AVEN: variants seen among roughly 807,000 people sequenced by gnomAD.
AVEN encodes apoptosis and caspase activation inhibitor.
Under a neutral mutation model 38.1 loss-of-function variants are expected in AVEN, and 41 were observed. That is an observed-to-expected ratio of 1.08 (90% confidence interval 0.84 to 1.40). The LOEUF is 1.40. Ranked by LOEUF, AVEN falls within the 40% of genes most tolerant of loss-of-function variation. The pLI, the probability that AVEN is intolerant of heterozygous loss-of-function variation, is 0.00. For synonymous variants in AVEN, 206 were observed against 171.8 expected (o/e 1.20, Z -1.56); for missense variants, 605 against 438.8 (o/e 1.38, Z -3.38).
At chr15:33,879,052 TAAA>T (rs554309971) in intron 2 of AVEN, among the ~76,000 whole-genome samples, 2 of 152,060 alleles carry the variant, frequency 1.3e-5, no homozygotes. Context: ...AATGTTCACT[TAAA>T]AATATGGGTA....
intron 2 of AVEN, among the ~76,000 whole-genome samples, chr15:33,900,604 G>C (rs1450656452): frequency 1.4e-5 from 2 of 142,744 alleles, no homozygotes. Context: ...ACCATGCCTA[G>C]CCAATTTAGT....
At chr15:34,019,220 CTAATGGATG>C (rs1213259952) in intron 1 of AVEN, among the ~76,000 whole-genome samples, 1 of 152,108 alleles carries the variant, frequency 6.6e-6, no homozygotes, top group Admixed American at 6.5e-5. Flanking sequence ...TAGGCCTAGG[CTAATGGATG>C]TAATTGTTTG....
At chr15:34,014,292 A>G (rs1392671453) in intron 1 of AVEN, among the ~76,000 whole-genome samples, 1 of 148,776 alleles carries the variant, frequency 6.7e-6, no homozygotes, top group Admixed American at 6.8e-5. Context: ...TGAACCCAGG[A>G]GGCAGAGATT....
intron 2 of AVEN, among the ~76,000 whole-genome samples, chr15:33,900,360 T>G (rs1490421247): frequency 2.0e-5 from 3 of 151,088 alleles, no homozygotes; most frequent in Non-Finnish European, 4.4e-5. Flanking sequence ...CAGGCTGGAG[T>G]GCAGTGGCAT....
intron 2 of AVEN, chr15:34,067,155 T>C (rs2140853432): frequency 6.6e-6 from 1 of 152,362 alleles, no homozygotes; most frequent in East Asian, 1.9e-4. Context: ...GCTATCATTG[T>C]AATTTGTTTC....
chr15:33,899,835 A>T (rs1464548168), intron 2 of AVEN, among the ~76,000 whole-genome samples: 2 of 152,136 alleles, frequency 1.3e-5, no homozygotes, highest in Non-Finnish European at 2.9e-5. Flanking sequence ...TAGCAGAAAA[A>T]CCATTCTCTT....
downstream of AVEN, chr15:33,865,061 A>C (rs1008367617): frequency 2.5e-5 from 31 of 1,246,376 alleles, 1 homozygote; most frequent in Non-Finnish European, 3.4e-5. Flanking sequence ...GCCACAAAGA[A>C]CAAAAACAAA....
chr15:33,987,517 G>A (rs981516257), intron 2 of AVEN, among the ~76,000 whole-genome samples: 2 of 152,112 alleles, frequency 1.3e-5, no homozygotes, highest in African/African-American at 4.8e-5. Context: ...CTCCTCCCCA[G>A]CTGCAGCCTC....
chr15:33,904,482 G>A (rs1892604883), intron 2 of AVEN, among the ~76,000 whole-genome samples: 1 of 152,050 alleles, frequency 6.6e-6, no homozygotes, highest in African/African-American at 2.4e-5. Flanking sequence ...TATGATCTCA[G>A]GTCACTGCAA....
chr15:34,068,281 G>C (rs944601068), intron 2 of AVEN, among the ~76,000 whole-genome samples: 4 of 150,422 alleles, frequency 2.7e-5, no homozygotes, highest in Middle Eastern at 3.4e-3. Context: ...ATCCAGGCTG[G>C]AGTGGCAGCT....
At chr15:33,854,591 A>T (rs141633392), downstream of AVEN, 1 of 1,047,390 alleles carries the variant, frequency 9.5e-7, no homozygotes, top group African/African-American at 1.6e-5. Flanking sequence ...GGGAACACTT[A>T]TACAATGGTA....
intron 1 of AVEN, among the ~76,000 whole-genome samples, chr15:34,004,202 A>G (rs1897244017): frequency 6.6e-6 from 1 of 152,240 alleles, no homozygotes; most frequent in African/African-American, 2.4e-5. Flanking sequence ...AGTTCCCTGT[A>G]TTACAACTGA....
At chr15:34,072,657 A>AT (rs1340130114) in intron 1 of AVEN, among the ~76,000 whole-genome samples, 1 of 151,004 alleles carries the variant, frequency 6.6e-6, no homozygotes. Flanking sequence ...TATTATTATT[A>AT]TTTTTTTGAG....
intron 2 of AVEN, among the ~76,000 whole-genome samples, chr15:33,927,642 T>C (rs923449424): frequency 2.0e-5 from 3 of 152,174 alleles, no homozygotes; most frequent in Non-Finnish European, 4.4e-5. Context: ...AAGGCACATA[T>C]TCACATGGTC....
At chr15:34,023,867 T>G (rs529305003) in intron 1 of AVEN, among the ~76,000 whole-genome samples, 7 of 152,316 alleles carry the variant, frequency 4.6e-5, no homozygotes, top group African/African-American at 1.7e-4. Flanking sequence ...GCCACGTTTT[T>G]GGCCAGGGAA....
At position 33,949,236 on chromosome 15, in the gene AVEN, C is replaced by A. The variant is rs575943114; in HGVS notation, c.445+53796G>T. Among the ~76,000 whole-genome samples, 17 of 151,726 alleles carry A rather than the reference C, an allele frequency of 1.1e-4. No homozygotes were observed. The South Asian group carries it at 3.3e-3, about 30-fold the overall frequency. On this transcript the variant is annotated intron_variant, in intron 2 of 5. Transcript: ENST00000306730. ...AGAGACAGGATTTCACCGTGTTAGC[C>A]AGGATGGTCTCAATCTCCTGACCTC...
At chr15:33,999,445 G>A (rs1021304913) in intron 2 of AVEN, among the ~76,000 whole-genome samples, 1 of 151,950 alleles carries the variant, frequency 6.6e-6, no homozygotes, top group Admixed American at 6.6e-5. Flanking sequence ...ATTTATTAAG[G>A]AATTCTGACT....
At chr15:33,874,038 A>G (rs150223161) in intron 3 of AVEN, among the ~76,000 whole-genome samples, 89 of 152,068 alleles carry the variant, frequency 5.9e-4, no homozygotes, top group African/African-American at 8.4e-4. Flanking sequence ...CATCCGTTCA[A>G]TCCCTCCCCA....
At chr15:34,038,690 G>C in intron 1 of AVEN, 90 bp downstream of exon 1, 1 of 1,073,478 alleles carries the variant, frequency 9.3e-7, no homozygotes, top group Non-Finnish European at 1.1e-6. Flanking sequence ...CGCGCGCCTG[G>C]CACGCTCTCT....
Sources: allele counts gnomAD v4.1 joint callset (sites outside exome capture counted in the v4.1 genomes callset), GRCh38; gene constraint gnomAD v4.1.1; transcripts MANE v1.5; gene names NCBI Gene and HGNC (gene_info 2026-07-23, HGNC 2026-07-21).